Variants in RARB observed in about 807,000 individuals in gnomAD.
The protein encoded by RARB is retinoic acid receptor beta, also known as HBV-activated protein.
A neutral mutation model predicts 51.9 loss-of-function variants in RARB; 17 were observed. The observed-to-expected ratio is 0.33, with a 90% CI of 0.22 to 0.49. RARB has a LOEUF of 0.49. RARB is among the 20% of genes least tolerant of loss of function. The probability of loss-of-function intolerance (pLI) is 0.99; values close to 1 mark genes in which losing one functional copy is unlikely to be tolerated. For missense variants in RARB, 369 were observed against 550.8 expected (o/e 0.67, Z 3.30); for synonymous variants, 215 against 195.4 (o/e 1.10, Z -0.84).
intron 1 of RARB, among the ~76,000 whole-genome samples, chr3:25,451,998 G>T (rs949991013): frequency 2.0e-5 from 3 of 152,074 alleles, no homozygotes; most frequent in Non-Finnish European, 2.9e-5. Context: ...AACTCTTCAG[G>T]GGACCTCAAT....
Position 24,843,775 on chromosome 3 carries a change from G to T in RARB, c.-459+14372G>T, listed in dbSNP as rs542546790. ...AACAAGATACCCAGGTAATTCGTGT[G>T]CACAGCCAAGTTTGAGAAGCACTGA... is the stretch of plus-strand genomic sequence containing the variant. On this transcript the variant is annotated intron_variant, in intron 1 of 11. Transcript: ENST00000383772. Among the ~76,000 whole-genome samples, 148 of 152,208 alleles carry T rather than the reference G, an allele frequency of 9.7e-4. 2 individuals carry two copies. The Middle Eastern group carries it at 0.01, about 10-fold the overall frequency.
intron 5 of RARB, among the ~76,000 whole-genome samples, chr3:25,233,759 GGTT>G (rs1294849464): frequency 3.4e-5 from 5 of 145,548 alleles, no homozygotes; most frequent in African/African-American, 1.3e-4. Flanking sequence ...GTTTTTGTTT[GGTT>G]GTTGTTTTTT....
intron 3 of RARB, among the ~76,000 whole-genome samples, chr3:25,093,973 T>C (rs1465585778): frequency 1.3e-5 from 2 of 152,128 alleles, no homozygotes; most frequent in Non-Finnish European, 2.9e-5. Flanking sequence ...AAATACCAAA[T>C]ACAAGATCTG....
At chr3:25,478,409 G>A (rs759215775) in intron 2 of RARB, among the ~76,000 whole-genome samples, 1 of 152,164 alleles carries the variant, frequency 6.6e-6, no homozygotes, top group Non-Finnish European at 1.5e-5. Flanking sequence ...GCTTGTTCTT[G>A]AGAGCCTGTT....
intron 2 of RARB, among the ~76,000 whole-genome samples, chr3:24,863,361 C>G (rs115654342): frequency 6.6e-6 from 1 of 152,164 alleles, no homozygotes; most frequent in Non-Finnish European, 1.5e-5. Context: ...GTCTATAAAA[C>G]GCTGATAGTT....
At chr3:25,228,172 ACTTC>A (rs1702096240) in intron 5 of RARB, among the ~76,000 whole-genome samples, 1 of 148,198 alleles carries the variant, frequency 6.7e-6, no homozygotes, top group African/African-American at 2.5e-5. Flanking sequence ...CAGATACAGA[ACTTC>A]CTTTTTCATT....
chr3:25,595,883 G>A (rs1701798762), intron 7 of RARB, among the ~76,000 whole-genome samples: 1 of 152,110 alleles, frequency 6.6e-6, no homozygotes, highest in Admixed American at 6.5e-5. Context: ...TCTTTCATCA[G>A]GAACTTCTCT....
intron 2 of RARB, among the ~76,000 whole-genome samples, chr3:24,898,132 G>A (rs997454623): frequency 2.6e-5 from 4 of 152,060 alleles, no homozygotes; most frequent in African/African-American, 9.7e-5. Flanking sequence ...CGGAGTTTGA[G>A]TCCACACATT....
intron 3 of RARB, among the ~76,000 whole-genome samples, chr3:25,131,562 C>G (rs755198230): frequency 2.0e-5 from 3 of 151,902 alleles, no homozygotes; most frequent in Non-Finnish European, 2.9e-5. Context: ...GTCTGGCATG[C>G]TATAATTTCT....
At chr3:25,136,905 C>G (rs1700038959) in intron 4 of RARB, among the ~76,000 whole-genome samples, 1 of 151,920 alleles carries the variant, frequency 6.6e-6, no homozygotes, top group African/African-American at 2.4e-5. Context: ...CAAGTTGGGC[C>G]AAGATTGTTA....
intron 3 of RARB, among the ~76,000 whole-genome samples, chr3:25,103,509 C>T (rs1699442671): frequency 6.6e-6 from 1 of 152,152 alleles, no homozygotes; most frequent in African/African-American, 2.4e-5. Flanking sequence ...CTGCCATCTT[C>T]AGGATAATTT....
At chr3:24,964,097 T>C (rs1234578226) in intron 2 of RARB, among the ~76,000 whole-genome samples, 1 of 152,130 alleles carries the variant, frequency 6.6e-6, no homozygotes, top group Admixed American at 6.6e-5. Context: ...TCCTTTCAAG[T>C]TGAGTTTTTA....
At chr3:24,863,412 G>C (rs1351573791) in intron 2 of RARB, among the ~76,000 whole-genome samples, 1 of 152,114 alleles carries the variant, frequency 6.6e-6, no homozygotes, top group Admixed American at 6.6e-5. Context: ...TCTCTATCTC[G>C]GGAGGCAGTT....
chr3:24,913,427 G>C (rs569298743), intron 2 of RARB, among the ~76,000 whole-genome samples: 12 of 133,454 alleles, frequency 9.0e-5, no homozygotes, highest in Admixed American at 3.3e-4. Flanking sequence ...TTTTTGGTCA[G>C]AGATCGTCTA....
At chr3:25,079,509 T>C (rs532838557) in intron 3 of RARB, among the ~76,000 whole-genome samples, 1 of 152,294 alleles carries the variant, frequency 6.6e-6, no homozygotes, top group African/African-American at 2.4e-5. Flanking sequence ...CTGCTTATCA[T>C]TTACCATTAA....
chr3:25,337,135 G>A (rs1394700578), intron 5 of RARB, among the ~76,000 whole-genome samples: 2 of 152,028 alleles, frequency 1.3e-5, no homozygotes, highest in Non-Finnish European at 2.9e-5. Context: ...ATTAGAAGAG[G>A]CAGGAACAAG....
chr3:25,130,245 G>A (rs139148634), intron 3 of RARB, among the ~76,000 whole-genome samples: 75 of 152,154 alleles, frequency 4.9e-4, no homozygotes, highest in African/African-American at 1.7e-3. Flanking sequence ...GGTTTTCACT[G>A]TCTTGGAAGT....
At chr3:25,101,894 A>T (rs889960997) in intron 3 of RARB, among the ~76,000 whole-genome samples, 4 of 152,000 alleles carry the variant, frequency 2.6e-5, no homozygotes, top group African/African-American at 9.7e-5. Flanking sequence ...TTTAAGCAAA[A>T]ACTTGTGTCT....
chr3:25,055,564 A>G (rs545414943), intron 2 of RARB, among the ~76,000 whole-genome samples: 1 of 152,262 alleles, frequency 6.6e-6, no homozygotes, highest in East Asian at 1.9e-4. Context: ...CTCTTTACAA[A>G]TTTGGGAAAC....
Sources: allele counts gnomAD v4.1 joint callset (sites outside exome capture counted in the v4.1 genomes callset), GRCh38; gene constraint gnomAD v4.1.1; transcripts MANE v1.5; gene names NCBI Gene and HGNC (gene_info 2026-07-23, HGNC 2026-07-21).